The following ASIC2 variants were observed in gnomAD, a reference collection of about 807,000 sequenced individuals.
ASIC2 encodes acid sensing ion channel subunit 2.
A neutral mutation model predicts 57.3 loss-of-function variants in ASIC2; 25 were observed. That is an observed-to-expected ratio of 0.44 (90% CI 0.32 to 0.61). ASIC2 has a LOEUF of 0.61. Among genes scored for constraint, ASIC2 ranks in the 20% least tolerant of loss-of-function variants. The pLI is 0.06. For synonymous variants in ASIC2, 319 were observed against 307.5 expected (o/e 1.04, Z -0.39); for missense variants, 641 against 738.1 (o/e 0.87, Z 1.52).
At chr17:33,685,932 C>A (rs1055604992) in intron 1 of ASIC2, among the ~76,000 whole-genome samples, 1 of 152,190 alleles carries the variant, frequency 6.6e-6, no homozygotes, top group Non-Finnish European at 1.5e-5. Context: ...GGCTGCTGCT[C>A]TCAGTCACGG....
At chr17:33,674,560 T>A (rs1356052787) in intron 1 of ASIC2, among the ~76,000 whole-genome samples, 2 of 152,244 alleles carry the variant, frequency 1.3e-5, no homozygotes, top group Non-Finnish European at 2.9e-5. Context: ...GTGTGTGTCA[T>A]TTAAGTCTTG....
rs371019272 is a variant in ASIC2, at chr17:33,261,813, C to T, written c.708+29595G>A. 1.3e-3 allele frequency among the ~76,000 whole-genome samples: 85 copies of T among 63,586 alleles called. No individual in the cohort carries two copies. In the South Asian group the frequency reaches 0.059, roughly 44 times the overall value. 41.7% of individuals were successfully genotyped at this position (63,586 alleles called of 152,430 possible). A position where few individuals can be genotyped will look rare whatever the true frequency, so the allele number is the denominator to read the frequency against. On this transcript the variant is annotated intron_variant, in intron 1 of 9. Transcript: ENST00000225823. ...GCTTTCAACCCTGGAATCCTAGTCA[C>T]GACGAGGTGAACGTGGGGGGTGCTG...
At chr17:33,661,377 C>T (rs1031541994) in intron 1 of ASIC2, among the ~76,000 whole-genome samples, 3 of 152,196 alleles carry the variant, frequency 2.0e-5, no homozygotes, top group African/African-American at 4.8e-5. Context: ...TTGGATCCAC[C>T]CTTGATTGCC....
chr17:33,998,207 C>T (rs1428229626), intron 1 of ASIC2, among the ~76,000 whole-genome samples: 2 of 151,954 alleles, frequency 1.3e-5, no homozygotes, highest in African/African-American at 4.8e-5. Context: ...CCTTATGATC[C>T]TTTGTATTTC....
At chr17:34,081,552 G>A (rs369152489) in intron 1 of ASIC2, among the ~76,000 whole-genome samples, 4 of 152,216 alleles carry the variant, frequency 2.6e-5, no homozygotes, top group African/African-American at 7.2e-5. Flanking sequence ...ATTGGATAGC[G>A]CTGAGAACAG....
At chr17:33,944,070 G>A (rs541837565) in intron 1 of ASIC2, among the ~76,000 whole-genome samples, 26 of 152,160 alleles carry the variant, frequency 1.7e-4, no homozygotes, top group African/African-American at 6.3e-4. Flanking sequence ...AGAAATTCTT[G>A]TCTTGAGGTT....
At chr17:33,370,608 C>A (rs548711809) in intron 1 of ASIC2, among the ~76,000 whole-genome samples, 25 of 152,330 alleles carry the variant, frequency 1.6e-4, no homozygotes, top group Middle Eastern at 3.4e-3. Flanking sequence ...GAATTCCACA[C>A]CTCCCAGCTG....
chr17:33,629,113 T>C (rs1906079298), intron 1 of ASIC2, among the ~76,000 whole-genome samples: 1 of 152,206 alleles, frequency 6.6e-6, no homozygotes, highest in Admixed American at 6.5e-5. Flanking sequence ...TTGTATCTGC[T>C]ATTCCTGTTT....
At chr17:33,520,508 C>A (rs1597762459) in intron 1 of ASIC2, among the ~76,000 whole-genome samples, 1 of 152,176 alleles carries the variant, frequency 6.6e-6, no homozygotes, top group Middle Eastern at 3.2e-3. Context: ...TGGTGAATGG[C>A]CACCTGGGAT....
chr17:33,471,458 G>A (rs988562830), intron 1 of ASIC2, among the ~76,000 whole-genome samples: 3 of 152,142 alleles, frequency 2.0e-5, no homozygotes, highest in African/African-American at 7.2e-5. Flanking sequence ...TAAGAGGTGA[G>A]ATGCTAGAAA....
In ASIC2 at chr17:33,190,216, A is replaced by G. The variant is rs187661547; in HGVS notation, c.709-78149T>C. 8.5e-5 allele frequency among the ~76,000 whole-genome samples: 13 copies of G among 152,320 alleles called. No homozygotes were observed. In the East Asian group the frequency reaches 1.7e-3, roughly 20 times the overall value. Reference sequence around the variant, plus strand: ...GAATAATATGCAATTGAAATACAAAAATCAATTGTTTCAATATAGTATAAT... The same window carrying G: ...GAATAATATGCAATTGAAATACAAAGATCAATTGTTTCAATATAGTATAAT... On this transcript the variant is annotated intron_variant, in intron 1 of 9. Transcript: ENST00000225823.
chr17:33,018,841 T>C (rs1414463523), intron 7 of ASIC2, among the ~76,000 whole-genome samples: 1 of 151,176 alleles, frequency 6.6e-6, no homozygotes, highest in African/African-American at 2.4e-5. Context: ...GGGGGCACAG[T>C]TGGGGGTGGC....
chr17:33,755,736 C>A (rs62055779), intron 1 of ASIC2, among the ~76,000 whole-genome samples: 2 of 152,112 alleles, frequency 1.3e-5, no homozygotes, highest in Non-Finnish European at 2.9e-5. Flanking sequence ...CTAGATCTAA[C>A]GTGACGTAAG....
chr17:33,308,434 C>A, intron 1 of ASIC2, among the ~76,000 whole-genome samples: 1 of 152,162 alleles, frequency 6.6e-6, no homozygotes, highest in East Asian at 1.9e-4. Flanking sequence ...CTTGCCTTAA[C>A]CAAATCATTT....
At chr17:33,916,344 T>C (rs1915584836) in intron 1 of ASIC2, among the ~76,000 whole-genome samples, 2 of 152,016 alleles carry the variant, frequency 1.3e-5, no homozygotes, top group Admixed American at 6.5e-5. Context: ...TACCGGTAGG[T>C]ACTTAATACC....
chr17:33,269,678 C>CCCG, intron 1 of ASIC2, among the ~76,000 whole-genome samples: 2 of 64,968 alleles, frequency 3.1e-5, no homozygotes, highest in South Asian at 1.2e-3. Flanking sequence ...TTCCTTCCCT[C>CCCG]CCTCCCTCCT....
chr17:33,325,409 A>C (rs1907035545), intron 1 of ASIC2, among the ~76,000 whole-genome samples: 1 of 152,180 alleles, frequency 6.6e-6, no homozygotes, highest in African/African-American at 2.4e-5. Flanking sequence ...GAAACATTCT[A>C]GGAAGAGAGG....
chr17:33,903,792 T>G (rs1472649613), intron 1 of ASIC2, among the ~76,000 whole-genome samples: 1 of 151,894 alleles, frequency 6.6e-6, no homozygotes, highest in Non-Finnish European at 1.5e-5. Flanking sequence ...TAATACAGAG[T>G]CAGGCTGAGT....
At chr17:33,828,604 A>T (rs75549785) in intron 1 of ASIC2, 9,700 of 152,204 alleles carry the variant, frequency 0.064, 429 homozygotes, top group East Asian at 0.23. Context: ...TTGGAATGGG[A>T]TGTGAATGCG....
Sources: allele counts gnomAD v4.1 joint callset (sites outside exome capture counted in the v4.1 genomes callset), GRCh38; gene constraint gnomAD v4.1.1; transcripts MANE v1.5; gene names NCBI Gene and HGNC (gene_info 2026-07-23, HGNC 2026-07-21).